Variants in DNAJB1 observed in about 807,000 individuals in gnomAD.
DNAJB1 encodes the protein dnaJ homolog subfamily B member 1.
In DNAJB1, 14 loss-of-function variants were observed where a neutral mutation model predicts 24.0. That is an observed-to-expected ratio of 0.58 (90% CI 0.39 to 0.91). The LOEUF (loss-of-function observed/expected upper bound fraction) is 0.91, where lower values mean the gene tolerates loss of function less well. Ranked by LOEUF, DNAJB1 falls within the 40% of genes least tolerant of loss-of-function variation. The pLI is 0.00. For synonymous variants in DNAJB1, 262 were observed against 174.4 expected, an observed-to-expected ratio of 1.50 and a Z score of -3.96; for missense variants, 517 against 458.1, an observed-to-expected ratio of 1.13 and a Z score of -1.17.
At chr19:14,542,898 C>T (rs1308349509) in intron 1 of DNAJB1, among the ~76,000 whole-genome samples, 1 of 152,064 alleles carries the variant, frequency 6.6e-6, no homozygotes, top group Non-Finnish European at 1.5e-5. Context: ...CTGCTCGAAT[C>T]AGGCTCTTAC....
At position 14,515,914 on chromosome 19, in the gene DNAJB1, G is replaced by C. The variant is rs1183214756; in HGVS notation, c.*26C>G. On this transcript the variant is annotated 3_prime_UTR_variant, in exon 3 of 3. Coordinates refer to ENST00000254322, the MANE Select transcript of DNAJB1 (RefSeq NM_006145.3). ...ATCCTTGAGCTCTGGAAAGGTCCCT[G>C]GTCAGTCCTTGGGGAGCTCAGATAG... The C allele has an allele frequency of 1.2e-6, 2 of 1,600,826 alleles. No homozygotes were observed. Among genetic ancestry groups the C allele is most frequent in the African/African-American group, 1.4e-5 (1 of 74,072 alleles).
upstream of DNAJB1, chr19:14,529,793 T>G: frequency 6.3e-7 from 1 of 1,596,096 alleles, no homozygotes; most frequent in Admixed American, 1.7e-5. Flanking sequence ...GACCCCACTT[T>G]CTGGTCCTGT....
At chr19:14,529,891 G>A, upstream of DNAJB1, 2 of 849,702 alleles carry the variant, frequency 2.4e-6, no homozygotes, top group Admixed American at 2.4e-5. Flanking sequence ...CATGTGCGCA[G>A]GAAGTATTTA....
chr19:14,547,332 C>T (rs1375790909), intron 1 of DNAJB1, among the ~76,000 whole-genome samples: 2 of 150,390 alleles, frequency 1.3e-5, no homozygotes, highest in Non-Finnish European at 3.0e-5. Context: ...GCGTGAGCCA[C>T]CGTACCTGGC....
chr19:14,516,486 C>T lies in DNAJB1; in HGVS notation c.772G>A (p.Ala258Thr), dbSNP rs568962152. ...CTTACCTCCCGGAGGCTGATCCTGGCAGGATAAATGACATCAGAGCCATCT... is the reference window on the plus strand; with the variant it reads ...CTTACCTCCCGGAGGCTGATCCTGGTAGGATAAATGACATCAGAGCCATCT... ...KRDGSDVIYP[A>T]RISLREALCG... Residue 258 changes from alanine to threonine, a missense_variant, in exon 2 of 3, where the codon GCC becomes ACC. Physicochemically the swap from Ala to Thr is moderately conservative, Grantham distance 58 (BLOSUM62 0). Coordinates refer to ENST00000254322, the MANE Select transcript of DNAJB1 (RefSeq NM_006145.3). 1.9e-6 allele frequency: 3 copies of T among 1,612,250 alleles called. No individual in the cohort carries two copies. In the South Asian group the frequency reaches 3.3e-5, roughly 18 times the overall value.
At chr19:14,516,215 G>C in intron 2 of DNAJB1, 45 bp from the exon 3 acceptor site, 6 of 1,605,026 alleles carry the variant, frequency 3.7e-6, no homozygotes, top group Non-Finnish European at 5.1e-6. Context: ...TGGCTCAAGA[G>C]GCTCAGCTCT....
intron 1 of DNAJB1, chr19:14,544,977 C>T (rs966434130): frequency 1.7e-5 from 7 of 406,282 alleles, no homozygotes; most frequent in African/African-American, 6.2e-5. Context: ...CTAGGAACTG[C>T]GGTGTCCTTT....
upstream of DNAJB1, chr19:14,529,713 T>C: frequency 6.2e-7 from 1 of 1,614,080 alleles, no homozygotes; most frequent in Non-Finnish European, 8.5e-7. Flanking sequence ...CATTACGAGG[T>C]AAGAAGCGAG....
At chr19:14,532,695 C>A (rs537002294), upstream of DNAJB1, among the ~76,000 whole-genome samples, 8 of 151,944 alleles carry the variant, frequency 5.3e-5, no homozygotes, top group Non-Finnish European at 1.0e-4. Context: ...CCCGGCCCAG[C>A]GGATTGCATA....
intron 2 of DNAJB1, among the ~76,000 whole-genome samples, chr19:14,524,060 T>C (rs192239254): frequency 1.0e-3 from 157 of 152,312 alleles, no homozygotes; most frequent in Admixed American, 2.2e-3. Context: ...ATGGAGATTC[T>C]GAGAGGTCAT....
intron 1 of DNAJB1, chr19:14,517,449 A>AT (rs762227298): frequency 1.7e-4 from 29 of 171,580 alleles, no homozygotes; most frequent in South Asian, 3.6e-4. Context: ...AAAAAAAACA[A>AT]AAATAAATAG....
intron 2 of DNAJB1, among the ~76,000 whole-genome samples, chr19:14,526,354 C>T (rs929515983): frequency 6.6e-6 from 1 of 152,168 alleles, no homozygotes; most frequent in Non-Finnish European, 1.5e-5. Flanking sequence ...GTACAGTGTC[C>T]TCAGTGGCTT....
upstream of DNAJB1, among the ~76,000 whole-genome samples, chr19:14,550,464 C>T (rs117121081): frequency 0.013 from 1,994 of 152,222 alleles, 30 homozygotes; most frequent in Non-Finnish European, 0.02. Context: ...CTGCAGGGCT[C>T]AGCCTCTGGC....
intron 1 of DNAJB1, among the ~76,000 whole-genome samples, chr19:14,537,619 C>A (rs1218515348): frequency 6.6e-6 from 1 of 152,180 alleles, no homozygotes; most frequent in African/African-American, 2.4e-5. Context: ...TGGGTCTTAA[C>A]ACCTTCTTGC....
Position 14,515,706 on chromosome 19 carries a change from G to T in DNAJB1, c.*234C>A, listed in dbSNP as rs1015962098. On this transcript the variant is annotated 3_prime_UTR_variant, in exon 3 of 3. Transcript: ENST00000254322. The stretch of plus-strand genomic sequence containing the variant: ...GAGGGCTGCCAGACCCAGTGGGGCA[G>T]ACTGGAATGCCTTTTCCTGCTGTTC... 3 of 486,520 alleles carry T rather than the reference G, an allele frequency of 6.2e-6. No homozygotes were observed. The highest frequency in any genetic ancestry group is 1.1e-5 in the Non-Finnish European group (3 of 277,816). The allele number at this position is 486,520 out of a possible 1,614,324, so 30.1% of individuals were successfully genotyped here.
chr19:14,521,487 A>AATAATG (rs1459568329), upstream of DNAJB1, among the ~76,000 whole-genome samples: 1 of 150,346 alleles, frequency 6.7e-6, no homozygotes, highest in Non-Finnish European at 1.5e-5. Flanking sequence ...TAATAATAAT[A>AATAATG]ATAAAAGTTT....
At chr19:14,518,589 C>T (rs1389541419), upstream of DNAJB1, among the ~76,000 whole-genome samples, 1 of 152,050 alleles carries the variant, frequency 6.6e-6, no homozygotes, top group Non-Finnish European at 1.5e-5. Flanking sequence ...CGCCCCCTCC[C>T]GCTCCGCCCT....
intron 1 of DNAJB1, among the ~76,000 whole-genome samples, chr19:14,549,827 C>T (rs560363218): frequency 1.3e-5 from 2 of 152,050 alleles, no homozygotes; most frequent in East Asian, 3.9e-4. Flanking sequence ...CCCGTAATCC[C>T]AGCTACTCAG....
intron 1 of DNAJB1, among the ~76,000 whole-genome samples, chr19:14,559,579 G>A (rs753892939): frequency 6.6e-6 from 1 of 152,094 alleles, no homozygotes; most frequent in Non-Finnish European, 1.5e-5. Context: ...CTGAGCTCAG[G>A]AGTTCGAGAC....
Sources: gnomAD v4.1 joint callset for allele counts (sites outside exome capture counted in the v4.1 genomes callset) on GRCh38, gnomAD v4.1.1 for gene constraint, MANE v1.5 for transcripts, NCBI Gene and HGNC (gene_info 2026-07-23, HGNC 2026-07-21) for gene names.